The following GPATCH8 variants were observed in gnomAD, a reference collection of about 807,000 sequenced individuals.
GPATCH8 encodes G-patch domain containing 8, also known as G patch domain-containing protein 8.
In GPATCH8, 18 loss-of-function variants were observed where a neutral mutation model predicts 118.3. The ratio of observed to expected loss-of-function variants is 0.15; its 90% confidence interval spans 0.11 to 0.23. The LOEUF (loss-of-function observed/expected upper bound fraction) is 0.23. Among genes scored for constraint, GPATCH8 ranks in the 10% least tolerant of loss-of-function variants. The pLI, the probability that GPATCH8 is intolerant of heterozygous loss-of-function variation, is 1.00. For missense variants in GPATCH8, 1,631 were observed against 1,873.8 expected (o/e 0.87, Z 2.39); for synonymous variants, 659 against 684.7 (o/e 0.96, Z 0.59).
At chr17:44,421,548 T>A (rs578068842) in intron 6 of GPATCH8, among the ~76,000 whole-genome samples, 101 of 151,788 alleles carry the variant, frequency 6.7e-4, no homozygotes, top group African/African-American at 2.3e-3. Context: ...GTATTTTCAA[T>A]GGAGATGGGG....
At chr17:44,414,395 C>A (rs1354915308) in intron 6 of GPATCH8, among the ~76,000 whole-genome samples, 1 of 151,970 alleles carries the variant, frequency 6.6e-6, no homozygotes, top group Middle Eastern at 3.2e-3. Context: ...CAGCCTCGAC[C>A]TCCCAGGCTC....
At chr17:44,450,600 T>C (rs983946425) in intron 3 of GPATCH8, among the ~76,000 whole-genome samples, 1 of 146,320 alleles carries the variant, frequency 6.8e-6, no homozygotes, top group Non-Finnish European at 1.5e-5. Context: ...TACATAAAAA[T>C]ATATTACACT....
intron 3 of GPATCH8, among the ~76,000 whole-genome samples, chr17:44,457,511 C>T (rs1276335869): frequency 6.6e-6 from 1 of 152,194 alleles, no homozygotes. Context: ...TTTGAAAAAG[C>T]TGCTTCAGTA....
At position 44,396,003 on chromosome 17, in the gene GPATCH8, T is replaced by G; in HGVS notation, c.*1565A>C. On this transcript the variant is annotated 3_prime_UTR_variant, in exon 8 of 8. Transcript: ENST00000591680. The stretch of plus-strand genomic sequence containing the variant: ...GAGAAAAGAAACAAGGAACGTTTAC[T>G]GTCTAAACTGAGCTGGGCAGAGGGC... 2.2e-6 allele frequency: 1 copy of G among 454,508 alleles called. No homozygotes were observed. Among genetic ancestry groups the G allele is most frequent in the Non-Finnish European group, 4.4e-6 (1 of 226,798 alleles). The allele number at this position is 454,508 out of a possible 1,614,324, so 28.2% of individuals were successfully genotyped here. A position where few individuals can be genotyped will look rare whatever the true frequency, so the allele number is the denominator to read the frequency against.
Position 44,400,611 on chromosome 17 carries a change from T to C in GPATCH8, c.1466A>G (p.Asp489Gly). 1.2e-6 allele frequency: 2 copies of C among 1,614,108 alleles called. No individual in the cohort carries two copies. Among genetic ancestry groups the C allele is most frequent in the Non-Finnish European group, 1.7e-6 (2 of 1,179,936 alleles). The change falls in exon 8 of 8, where the codon GAT (aspartate) becomes GGT (glycine). Residue 489 changes from aspartate to glycine, a missense_variant. This residue lies in a region of GPATCH8 where 405 missense variants were observed against 462.7 expected (regional missense o/e 0.88). Transcript: ENST00000591680. ...KAEAKKALGG[D>G]VSDQSLESHS... ...ACTTTCTAAACTCTGATCACTTACA[T>C]CCCCTCCTAAGGCCTTCTTTGCCTC...
intron 5 of GPATCH8, among the ~76,000 whole-genome samples, chr17:44,431,074 A>G (rs1370324036): frequency 6.6e-6 from 1 of 151,906 alleles, no homozygotes; most frequent in African/African-American, 2.4e-5. Flanking sequence ...AATTTTACCT[A>G]CAAAATTGTG....
chr17:44,457,593 A>T (rs1180024249), intron 3 of GPATCH8, among the ~76,000 whole-genome samples: 1 of 152,246 alleles, frequency 6.6e-6, no homozygotes. Context: ...ATTATTTAGT[A>T]ACCAGGAAGA....
intron 3 of GPATCH8, chr17:44,446,051 C>A (rs2050867028): frequency 6.6e-6 from 1 of 152,108 alleles, no homozygotes; most frequent in African/African-American, 2.4e-5. Flanking sequence ...GTGATCCTCC[C>A]ACCTCAGCCT....
chr17:44,425,683 C>T (rs2050066132), intron 5 of GPATCH8, among the ~76,000 whole-genome samples: 1 of 152,110 alleles, frequency 6.6e-6, no homozygotes, highest in Admixed American at 6.6e-5. Context: ...CGTGTACCAG[C>T]AAACCTAGCT....
At chr17:44,462,938 G>A (rs1033978410) in intron 3 of GPATCH8, among the ~76,000 whole-genome samples, 2 of 152,138 alleles carry the variant, frequency 1.3e-5, no homozygotes, top group Admixed American at 6.5e-5. Flanking sequence ...CCGAGATCGC[G>A]CCGCTGCACT....
At chr17:44,443,273 T>C (rs1011542758) in intron 3 of GPATCH8, among the ~76,000 whole-genome samples, 1 of 152,182 alleles carries the variant, frequency 6.6e-6, no homozygotes, top group Non-Finnish European at 1.5e-5. Context: ...TTAATGGACT[T>C]AAATATCATT....
At chr17:44,413,742 C>A (rs2049540433) in intron 6 of GPATCH8, among the ~76,000 whole-genome samples, 2 of 152,146 alleles carry the variant, frequency 1.3e-5, no homozygotes, top group Admixed American at 6.6e-5. Flanking sequence ...GCCTCAGCCT[C>A]CCAGGTAGCT....
intron 3 of GPATCH8, among the ~76,000 whole-genome samples, chr17:44,461,326 T>C (rs2051539052): frequency 6.6e-6 from 1 of 151,706 alleles, no homozygotes; most frequent in Non-Finnish European, 1.5e-5. Flanking sequence ...GGACTATAGG[T>C]GTGTGCCACC....
At position 44,395,441 on chromosome 17, in the gene GPATCH8, A is replaced by T. The variant is rs1471815801; in HGVS notation, c.*2127T>A. ...ATCACTATTCTGGAAGTTAAAGAAA[A>T]TGCCCCTAGGAAGGCAAAGAGGCAG... On this transcript the variant is annotated 3_prime_UTR_variant, in exon 8 of 8. Transcript: ENST00000591680. 2.2e-6 allele frequency: 1 copy of T among 454,354 alleles called. No homozygotes were observed. The highest frequency in any genetic ancestry group is 4.4e-6 in the Non-Finnish European group (1 of 226,708). The allele number at this position is 454,354 out of a possible 1,614,324, so 28.1% of individuals were successfully genotyped here.
At chr17:44,450,523 T>C (rs965373203) in intron 3 of GPATCH8, among the ~76,000 whole-genome samples, 7 of 152,156 alleles carry the variant, frequency 4.6e-5, no homozygotes, top group African/African-American at 7.2e-5. Flanking sequence ...TTCTATCTAC[T>C]GGTTTGGGAA....
intron 1 of GPATCH8, chr17:44,486,561 G>A (rs1231367271): frequency 6.6e-6 from 1 of 152,136 alleles, no homozygotes; most frequent in Non-Finnish European, 1.5e-5. Context: ...CCTGGTCACA[G>A]GTGAGGAAAG....
intron 6 of GPATCH8, among the ~76,000 whole-genome samples, chr17:44,415,152 TTTCACTATCTC>T (rs2049628016): frequency 6.6e-6 from 1 of 152,228 alleles, no homozygotes; most frequent in South Asian, 2.1e-4. Flanking sequence ...TCCACTATCT[TTTCACTATCTC>T]ATCAGCAATG....
intron 6 of GPATCH8, among the ~76,000 whole-genome samples, chr17:44,406,631 A>G (rs2049243737): frequency 6.6e-6 from 1 of 151,934 alleles, no homozygotes; most frequent in Non-Finnish European, 1.5e-5. Context: ...CAGGTCTTCC[A>G]GCGCTAGCAT....
At chr17:44,451,837 C>T (rs573857833) in intron 3 of GPATCH8, among the ~76,000 whole-genome samples, 1 of 152,258 alleles carries the variant, frequency 6.6e-6, no homozygotes, top group African/African-American at 2.4e-5. Flanking sequence ...TATTTCAATT[C>T]GGTGGCACTG....
Sources: allele counts gnomAD v4.1 joint callset (sites outside exome capture counted in the v4.1 genomes callset), GRCh38; gene constraint gnomAD v4.1.1; regional missense constraint gnomAD v4.1.1; transcripts MANE v1.5; gene names NCBI Gene and HGNC (gene_info 2026-07-23, HGNC 2026-07-21).